ASH1L: variants seen among roughly 807,000 people sequenced by gnomAD.
The protein encoded by ASH1L is ASH1 like histone lysine methyltransferase.
A neutral mutation model predicts 269.0 loss-of-function variants in ASH1L; 23 were observed. The ratio of observed to expected loss-of-function variants is 0.09; its 90% CI spans 0.06 to 0.12. ASH1L has a LOEUF of 0.12. ASH1L is among the 10% of genes least tolerant of loss of function. ASH1L has a pLI of 1.00. For missense variants in ASH1L, 2,912 were observed against 3,567.8 expected (o/e 0.82, Z 4.68); for synonymous variants, 1,187 against 1,253.5 (o/e 0.95, Z 1.12).
At chr1:155,527,538 T>A (rs1571070724) in intron 1 of ASH1L, among the ~76,000 whole-genome samples, 1 of 147,876 alleles carries the variant, frequency 6.8e-6, no homozygotes, top group East Asian at 2.0e-4. Flanking sequence ...TACCTTTTTT[T>A]TTTTTTTTTT....
intron 15 of ASH1L, 75 bp downstream of exon 15, chr1:155,357,241 A>C: frequency 8.2e-7 from 1 of 1,216,230 alleles, no homozygotes; most frequent in South Asian, 1.3e-5. Flanking sequence ...ACAATATAGA[A>C]GTTTCATAAT....
chr1:155,538,117 T>C (rs1670179620), intron 1 of ASH1L, among the ~76,000 whole-genome samples: 1 of 151,738 alleles, frequency 6.6e-6, no homozygotes, highest in Non-Finnish European at 1.5e-5. Flanking sequence ...CTCTGCATCC[T>C]GGGTTCAAGT....
chr1:155,433,326 C>T (rs994824379), intron 5 of ASH1L: 18 of 1,585,864 alleles, frequency 1.1e-5, no homozygotes, highest in Admixed American at 3.6e-5. Context: ...GGAATCGGGC[C>T]GGGAGTTGGG....
At chr1:155,436,262 T>C (rs1302266723) in intron 5 of ASH1L, among the ~76,000 whole-genome samples, 1 of 152,062 alleles carries the variant, frequency 6.6e-6, no homozygotes, top group African/African-American at 2.4e-5. Context: ...CAATCTCGGC[T>C]CACTGCAACC....
rs777487663 is a variant in ASH1L, at chr1:155,479,127, T to C, written c.3743A>G (p.His1248Arg). Residue 1248 changes from histidine (H) to arginine (R), a missense_variant, in exon 3 of 28, where the codon CAT becomes CGT. By Grantham distance (29) the His-to-Arg change is conservative (BLOSUM62 0). Around this residue, in one of 13 missense-constraint regions of ASH1L, gnomAD observed 789 missense variants for 897.6 expected, o/e 0.88. Coordinates refer to ENST00000392403, the MANE Select transcript of ASH1L (RefSeq NM_018489.3). ...ATTCCTGCGCTTACATTTGTGTTTA[T>C]GTTTTTCTTTAAGACTGCTTAGCAC... ...STVLSSLKEK[H>R]KHKCKRRNHD... is the part of the protein sequence containing the mutation. 7 of 1,614,186 alleles carry C rather than the reference T, an allele frequency of 4.3e-6. No individual in the cohort carries two copies. Among genetic ancestry groups the C allele is most frequent in the Non-Finnish European group, 5.9e-6 (7 of 1,180,022 alleles).
intron 2 of ASH1L, chr1:155,520,359 C>CAAAAA (rs57127431): frequency 7.4e-3 from 178 of 24,138 alleles, no homozygotes; most frequent in Non-Finnish European, 0.013. Flanking sequence ...GACTCCATCT[C>CAAAAA]AAAAAAAAAA....
At chr1:155,427,868 T>A (rs1036918649) in intron 5 of ASH1L, among the ~76,000 whole-genome samples, 3 of 152,122 alleles carry the variant, frequency 2.0e-5, no homozygotes, top group Non-Finnish European at 2.9e-5. Context: ...TTTAGCACCA[T>A]CCCCCGATGC....
intron 5 of ASH1L, among the ~76,000 whole-genome samples, chr1:155,437,540 T>A (rs939828222): frequency 2.6e-5 from 4 of 152,146 alleles, no homozygotes; most frequent in African/African-American, 9.7e-5. Flanking sequence ...TGGAAAACAG[T>A]ATGGCAGTTC....
At chr1:155,345,257 T>C (rs1406580114) in intron 21 of ASH1L, among the ~76,000 whole-genome samples, 1 of 149,618 alleles carries the variant, frequency 6.7e-6, no homozygotes, top group Non-Finnish European at 1.5e-5. Context: ...CTTGGCTCAT[T>C]GCAACCTCTG....
intron 5 of ASH1L, 119 bp from the exon 6 acceptor site, chr1:155,416,042 T>C (rs1188941455): frequency 5.3e-6 from 4 of 758,978 alleles, no homozygotes; most frequent in Non-Finnish European, 8.0e-6. Context: ...GACTTCCTTA[T>C]CTGGCCATGT....
In ASH1L at chr1:155,473,400, C is replaced by T. The variant is rs184229413; in HGVS notation, c.4984+4486G>A. 3.9e-5 allele frequency among the ~76,000 whole-genome samples: 6 copies of T among 152,302 alleles called. No individual in the cohort carries two copies. In the East Asian group the frequency reaches 9.6e-4, roughly 24 times the overall value. ...TACCAATGACATCCTTCTGTGCCTA[C>T]AGTTGAGCAGCTTCAACCCTTCTTT... On this transcript the variant is annotated intron_variant, in intron 3 of 27. Transcript: ENST00000392403.
Position 155,481,778 on chromosome 1 carries a change from C to A in ASH1L, c.1092G>T (p.Val364=), listed in dbSNP as rs777711239. ...CCAAATCTTTATTAACCAGTCCAACCACAGTGCCAAGTCCTAACTTCTTGC... is the reference window on the plus strand; with the variant it reads ...CCAAATCTTTATTAACCAGTCCAACAACAGTGCCAAGTCCTAACTTCTTGC... The part of the protein sequence containing the change: ...ESGKKLGLGT[V]VGLVNKDLGK... Residue 364 remains valine, a synonymous_variant, in exon 3 of 28, where the codon GTG becomes GTT. Coordinates refer to ENST00000392403, the MANE Select transcript of ASH1L (RefSeq NM_018489.3). 6.2e-7 allele frequency: 1 copy of A among 1,614,088 alleles called. No homozygotes were observed. Among genetic ancestry groups the A allele is most frequent in the Non-Finnish European group, 8.5e-7 (1 of 1,180,030 alleles).
intron 2 of ASH1L, among the ~76,000 whole-genome samples, chr1:155,496,456 T>G (rs1465613123): frequency 6.6e-6 from 1 of 152,236 alleles, no homozygotes; most frequent in African/African-American, 2.4e-5. Flanking sequence ...CATGCACTCA[T>G]GAAGTTTAAT....
chr1:155,512,786 C>A (rs979906768), intron 2 of ASH1L, among the ~76,000 whole-genome samples: 1 of 151,624 alleles, frequency 6.6e-6, no homozygotes, highest in Non-Finnish European at 1.5e-5. Context: ...CTCACTGGCA[C>A]GGTGGCTGAC....
At chr1:155,500,270 A>T (rs1374909271) in intron 2 of ASH1L, among the ~76,000 whole-genome samples, 1 of 152,232 alleles carries the variant, frequency 6.6e-6, no homozygotes, top group Admixed American at 6.5e-5. Context: ...GAAAGGTTTT[A>T]CTGAAATGTA....
At chr1:155,444,975 T>TTTAAGA (rs1662897552) in intron 4 of ASH1L, among the ~76,000 whole-genome samples, 1 of 152,064 alleles carries the variant, frequency 6.6e-6, no homozygotes, top group Non-Finnish European at 1.5e-5. Context: ...TCTTTGACCA[T>TTTAAGA]CCCCCAAGGT....
chr1:155,490,614 T>TCACACACACACACACACACACA (rs144278501), intron 2 of ASH1L, among the ~76,000 whole-genome samples: 6 of 142,398 alleles, frequency 4.2e-5, no homozygotes, highest in African/African-American at 1.6e-4. Context: ...CCAGACTACG[T>TCACACACACACACACACACACA]CACACACACA....
chr1:155,390,826 T>C (rs1657866366), intron 7 of ASH1L, among the ~76,000 whole-genome samples: 1 of 151,344 alleles, frequency 6.6e-6, no homozygotes, highest in Admixed American at 6.6e-5. Context: ...TTTTTTTGTA[T>C]TTTTAGTAGA....
At chr1:155,543,933 T>C (rs1240076270) in intron 1 of ASH1L, among the ~76,000 whole-genome samples, 2 of 152,042 alleles carry the variant, frequency 1.3e-5, no homozygotes, top group East Asian at 3.9e-4. Flanking sequence ...GAACAAGACC[T>C]ATCTCAAAAA....
Sources: gnomAD v4.1 joint callset for allele counts (sites outside exome capture counted in the v4.1 genomes callset) on GRCh38, gnomAD v4.1.1 for gene constraint, gnomAD v4.1.1 regional missense constraint, MANE v1.5 for transcripts, NCBI Gene and HGNC (gene_info 2026-07-23, HGNC 2026-07-21) for gene names.